Variants in CFAP299 observed in about 807,000 individuals in gnomAD.
CFAP299 encodes the protein cilia- and flagella-associated protein 299.
Under a neutral mutation model 27.0 loss-of-function variants are expected in CFAP299, and 21 were observed. That is an observed-to-expected ratio of 0.78 (90% CI 0.55 to 1.12). CFAP299 has a LOEUF of 1.12. Among genes scored for constraint, CFAP299 ranks in the 50% most tolerant of loss-of-function variants. The pLI is 0.00. For synonymous variants in CFAP299, 104 were observed against 98.1 expected (o/e 1.06, Z -0.36); for missense variants, 310 against 276.6 (o/e 1.12, Z -0.86).
At chr4:80,454,233 T>C (rs1236255354) in intron 2 of CFAP299, among the ~76,000 whole-genome samples, 1 of 152,072 alleles carries the variant, frequency 6.6e-6, no homozygotes, top group Non-Finnish European at 1.5e-5. Flanking sequence ...GACTTAGGAA[T>C]GCCAGGTATG....
At chr4:80,714,016 TA>T (rs1722328562) in intron 3 of CFAP299, among the ~76,000 whole-genome samples, 1 of 151,694 alleles carries the variant, frequency 6.6e-6, no homozygotes, top group Non-Finnish European at 1.5e-5. Context: ...GATAGTGGAA[TA>T]TATATATATA....
intron 3 of CFAP299, among the ~76,000 whole-genome samples, chr4:80,779,112 C>T (rs1033522459): frequency 6.6e-6 from 1 of 152,048 alleles, no homozygotes; most frequent in Non-Finnish European, 1.5e-5. Context: ...TAGATAAAAA[C>T]ACCTGATGTA....
chr4:80,485,083 G>T (rs1041431271), intron 2 of CFAP299, among the ~76,000 whole-genome samples: 2 of 152,008 alleles, frequency 1.3e-5, no homozygotes, highest in Non-Finnish European at 2.9e-5. Flanking sequence ...CTTAACATCA[G>T]TACGTGGAGA....
At chr4:80,572,139 A>G (rs1243961482) in intron 2 of CFAP299, among the ~76,000 whole-genome samples, 1 of 152,164 alleles carries the variant, frequency 6.6e-6, no homozygotes, top group South Asian at 2.1e-4. Flanking sequence ...TATCAACATT[A>G]TTCATCACCT....
chr4:80,574,232 T>A (rs898704047), intron 2 of CFAP299, among the ~76,000 whole-genome samples: 3 of 152,124 alleles, frequency 2.0e-5, no homozygotes, highest in African/African-American at 7.2e-5. Context: ...ATGGGATTAA[T>A]TTTTTATTTC....
intron 2 of CFAP299, among the ~76,000 whole-genome samples, chr4:80,534,632 T>C (rs957834648): frequency 6.6e-6 from 1 of 152,096 alleles, no homozygotes; most frequent in Non-Finnish European, 1.5e-5. Flanking sequence ...TTCTACTATA[T>C]GTTTAAAGTA....
At chr4:80,424,548 TG>T (rs1486138377) in intron 2 of CFAP299, among the ~76,000 whole-genome samples, 1 of 152,174 alleles carries the variant, frequency 6.6e-6, no homozygotes, top group Non-Finnish European at 1.5e-5. Flanking sequence ...TAGGAAACTG[TG>T]GAGACAAGAA....
intron 2 of CFAP299, among the ~76,000 whole-genome samples, chr4:80,440,358 CA>C (rs1438425696): frequency 1.3e-5 from 2 of 151,522 alleles, no homozygotes; most frequent in East Asian, 3.9e-4. Context: ...GAGGAAGGAG[CA>C]AGCAGCAATC....
At chr4:80,885,473 G>T (rs1733926686) in intron 4 of CFAP299, among the ~76,000 whole-genome samples, 2 of 152,138 alleles carry the variant, frequency 1.3e-5, no homozygotes, top group Non-Finnish European at 1.5e-5. Flanking sequence ...CCTTCCTCCT[G>T]CCCAAGGTCA....
At chr4:80,749,267 TA>T (rs1724793364) in intron 3 of CFAP299, among the ~76,000 whole-genome samples, 1 of 152,178 alleles carries the variant, frequency 6.6e-6, no homozygotes, top group Non-Finnish European at 1.5e-5. Context: ...GAATCTTCAT[TA>T]TACCACCTAA....
rs73829172 is a variant in CFAP299, at chr4:80,875,931, C to G, written c.476+5796C>G. Among the ~76,000 whole-genome samples, 908 of 151,974 alleles carry G rather than the reference C, an allele frequency of 6.0e-3. 7 individuals are homozygous for G. Among genetic ancestry groups the G allele is most frequent in the African/African-American group, 0.021 (854 of 41,456 alleles). ...GCCTAGTCATGATATTCTTTGCTCA[C>G]CCACTACGTGTGAGTTTATTTCAGC... On this transcript the variant is annotated intron_variant, in intron 4 of 5. Coordinates refer to ENST00000358105, the MANE Select transcript of CFAP299 (RefSeq NM_152770.3).
intron 2 of CFAP299, among the ~76,000 whole-genome samples, chr4:80,488,771 C>T (rs57650377): frequency 0.13 from 20,007 of 152,172 alleles, 1,411 homozygotes; most frequent in East Asian, 0.25. Flanking sequence ...CCACCGCACC[C>T]GGCCGGTAAC....
At chr4:80,789,818 C>T (rs1180280517) in intron 3 of CFAP299, among the ~76,000 whole-genome samples, 1 of 151,988 alleles carries the variant, frequency 6.6e-6, no homozygotes, top group Non-Finnish European at 1.5e-5. Context: ...TTAATCTGCT[C>T]AGATATTTTA....
chr4:80,345,003 AAT>A (rs1283882476), intron 1 of CFAP299, among the ~76,000 whole-genome samples: 2 of 152,200 alleles, frequency 1.3e-5, no homozygotes, highest in Non-Finnish European at 2.9e-5. Context: ...TAATAAGAGC[AAT>A]ATATGTCAAG....
chr4:80,477,172 C>T (rs1457952658), intron 2 of CFAP299, among the ~76,000 whole-genome samples: 1 of 152,088 alleles, frequency 6.6e-6, no homozygotes, highest in Non-Finnish European at 1.5e-5. Flanking sequence ...AAGCGATTCT[C>T]CCACCTCAGT....
intron 2 of CFAP299, among the ~76,000 whole-genome samples, chr4:80,475,349 A>G (rs938148475): frequency 2.0e-5 from 3 of 152,152 alleles, no homozygotes; most frequent in African/African-American, 7.2e-5. Context: ...CAGGCAAGAA[A>G]TGGTAGTGGC....
chr4:80,353,921 T>G (rs1299938069), intron 1 of CFAP299, among the ~76,000 whole-genome samples: 1 of 152,250 alleles, frequency 6.6e-6, no homozygotes. Context: ...AAAGTATTTC[T>G]CTTTCAACAC....
rs938993377 is a variant in CFAP299 at position 80,963,445 on chromosome 4, A to AT, written c.607-71dup. 3.5e-5 allele frequency: 31 copies of AT among 888,782 alleles called. No homozygotes were observed. The Admixed American group carries it at 4.4e-4, about 13-fold the overall frequency. The allele number at this position is 888,782 out of a possible 1,614,324, so 55.1% of individuals were successfully genotyped here. ...TTTTTCTGCAATATAAAGCAAAAAA[A>AT]TAAAAAAAAAATTTTAAAAAAGGCC... On this transcript the variant is annotated intron_variant, in intron 5 of 5. Transcript: ENST00000358105.
chr4:80,838,312 G>A (rs901351659), intron 3 of CFAP299, among the ~76,000 whole-genome samples: 1 of 152,088 alleles, frequency 6.6e-6, no homozygotes, highest in African/African-American at 2.4e-5. Flanking sequence ...ATTGCTTTTG[G>A]TGTTTTAGTC....
Sources: allele counts gnomAD v4.1 joint callset (sites outside exome capture counted in the v4.1 genomes callset), GRCh38; gene constraint gnomAD v4.1.1; transcripts MANE v1.5; gene names NCBI Gene and HGNC (gene_info 2026-07-23, HGNC 2026-07-21).